The following TSPEAR variants were observed in gnomAD, a reference collection of about 807,000 sequenced individuals.
The protein encoded by TSPEAR is thrombospondin-type laminin G domain and EAR repeat-containing protein.
In TSPEAR, 69 loss-of-function variants were observed where a neutral mutation model predicts 71.6. That is an observed-to-expected ratio of 0.96 (90% CI 0.79 to 1.18). TSPEAR has a LOEUF of 1.18. Ranked by LOEUF, TSPEAR falls within the 50% of genes most tolerant of loss-of-function variation. The pLI, the probability that TSPEAR is intolerant of heterozygous loss-of-function variation, is 0.00. For synonymous variants in TSPEAR, 402 were observed against 387.2 expected, an observed-to-expected ratio of 1.04 and a Z score of -0.45; for missense variants, 971 against 894.9, an observed-to-expected ratio of 1.09 and a Z score of -1.09.
Position 44,671,139 on chromosome 21 carries a change from C to T in TSPEAR, c.82+40294G>A, listed in dbSNP as rs1986037382. 2.0e-5 allele frequency among the ~76,000 whole-genome samples: 3 copies of T among 152,238 alleles called. 1 individual carries two copies. The South Asian group carries it at 6.2e-4, about 32-fold the overall frequency. ...CTCCTCCCAGGGACCTGAGGATGTGCCCACCCAGCATGCCACTACCACCAG... is the reference window on the plus strand; with the variant it reads ...CTCCTCCCAGGGACCTGAGGATGTGTCCACCCAGCATGCCACTACCACCAG... On this transcript the variant is annotated intron_variant, in intron 1 of 11. Transcript: ENST00000323084.
At chr21:44,666,868 A>G in intron 1 of TSPEAR, 1 of 1,613,634 alleles carries the variant, frequency 6.2e-7, no homozygotes. Context: ...CAGCCCGAGG[A>G]GCAGCTGGTA....
chr21:44,686,644 GGAT>G (rs1414305236), intron 1 of TSPEAR: 1 of 152,498 alleles, frequency 6.6e-6, no homozygotes, highest in Admixed American at 6.5e-5. Flanking sequence ...TGCTGCTGAT[GGAT>G]TATCCTGATA....
chr21:44,606,492 TG>T (rs1278292434), intron 1 of TSPEAR, among the ~76,000 whole-genome samples: 8 of 152,202 alleles, frequency 5.3e-5, no homozygotes, highest in African/African-American at 1.9e-4. Flanking sequence ...AAATAGAACT[TG>T]CCTATGATCC....
rs782799824 is a variant in TSPEAR at position 44,521,958 on chromosome 21, G to A, written c.1491C>T (p.Asn497=). The part of the protein sequence containing the change: ...YSFLVVANTF[N]GTSTKVHSHL... Reference sequence around the variant, plus strand: ...GCGAGTGCACCTTGGTGGAGGTGCCGTTGAAGGTGTTGGCCACCACCAGGA... The same window carrying A: ...GCGAGTGCACCTTGGTGGAGGTGCCATTGAAGGTGTTGGCCACCACCAGGA... The change falls in exon 9 of 12, where the codon AAC becomes AAT. Residue 497 remains asparagine (N), a synonymous_variant. Coordinates refer to ENST00000323084, the MANE Select transcript of TSPEAR (RefSeq NM_144991.3). The A allele has an allele frequency of 1.9e-5, 30 of 1,614,012 alleles. No individual in the cohort carries two copies. The highest frequency in any genetic ancestry group is 1.6e-4 in the Middle Eastern group (1 of 6,084).
chr21:44,569,245 C>G (rs12627518), intron 1 of TSPEAR, among the ~76,000 whole-genome samples: 1 of 152,094 alleles, frequency 6.6e-6, no homozygotes, highest in Non-Finnish European at 1.5e-5. Flanking sequence ...TCCGCACACG[C>G]GCACACAGGG....
intron 1 of TSPEAR, among the ~76,000 whole-genome samples, chr21:44,589,951 C>T (rs233292): frequency 0.013 from 1,980 of 152,342 alleles, 18 homozygotes; most frequent in Non-Finnish European, 0.022. Flanking sequence ...ACATCTCTGC[C>T]CCTGGAGGCT....
At chr21:44,522,774 A>G (rs2052761455) in intron 8 of TSPEAR, among the ~76,000 whole-genome samples, 1 of 152,238 alleles carries the variant, frequency 6.6e-6, no homozygotes, top group African/African-American at 2.4e-5. Context: ...CTCAGGAAAC[A>G]AGGCCATGGA....
chr21:44,510,683 G>C (rs781844577), intron 9 of TSPEAR: 1 of 152,310 alleles, frequency 6.6e-6, no homozygotes, highest in Non-Finnish European at 1.5e-5. Context: ...GCCGTTGCCC[G>C]CCCGAGCCCG....
chr21:44,525,173 G>C (rs902267109), intron 8 of TSPEAR, among the ~76,000 whole-genome samples: 13 of 151,986 alleles, frequency 8.6e-5, no homozygotes, highest in African/African-American at 3.1e-4. Flanking sequence ...CAGTCAGTCA[G>C]TGAAGTAGTC....
intron 1 of TSPEAR, among the ~76,000 whole-genome samples, chr21:44,668,102 C>A (rs1244202690): frequency 6.6e-6 from 1 of 152,088 alleles, no homozygotes; most frequent in African/African-American, 2.4e-5. Flanking sequence ...AATTGAAAAG[C>A]AAGAAGTAAA....
chr21:44,658,407 GA>G, intron 1 of TSPEAR: 11 of 840,918 alleles, frequency 1.3e-5, no homozygotes, highest in Non-Finnish European at 1.3e-5. Flanking sequence ...TGAGAACGTG[GA>G]AAAATGATTC....
intron 5 of TSPEAR, 47 bp from the exon 6 acceptor site, chr21:44,528,630 C>G (rs781939154): frequency 6.2e-6 from 10 of 1,604,548 alleles, no homozygotes; most frequent in East Asian, 2.2e-5. Flanking sequence ...CCAGTGCCCC[C>G]AAAGGAAGAC....
At chr21:44,549,914 T>C (rs1555918279) in intron 2 of TSPEAR, among the ~76,000 whole-genome samples, 3 of 152,176 alleles carry the variant, frequency 2.0e-5, no homozygotes, top group African/African-American at 7.2e-5. Context: ...CCTGAGCGTA[T>C]GTGAGTGTGC....
At chr21:44,540,792 C>CGAGA (rs1235266491) in intron 2 of TSPEAR, among the ~76,000 whole-genome samples, 2 of 152,182 alleles carry the variant, frequency 1.3e-5, no homozygotes, top group Admixed American at 1.3e-4. Flanking sequence ...CATGCCCCTC[C>CGAGA]CCACGGCCTT....
chr21:44,665,874 T>C (rs1464726305), intron 1 of TSPEAR, among the ~76,000 whole-genome samples: 4 of 152,170 alleles, frequency 2.6e-5, no homozygotes, highest in Admixed American at 6.5e-5. Context: ...GAAAACCCAA[T>C]TGTCAATGCT....
At chr21:44,587,783 T>A (rs587595219) in intron 1 of TSPEAR, among the ~76,000 whole-genome samples, 19 of 152,280 alleles carry the variant, frequency 1.2e-4, no homozygotes, top group African/African-American at 4.6e-4. Context: ...GAAAGGACAC[T>A]CTATTCAACA....
chr21:44,526,186 C>T lies in TSPEAR; in HGVS notation c.1150-347G>A, dbSNP rs116780658. 3.0e-3 allele frequency among the ~76,000 whole-genome samples: 463 copies of T among 152,310 alleles called. 4 individuals carry two copies. Among genetic ancestry groups the T allele is most frequent in the African/African-American group, 0.01 (431 of 41,572 alleles). On this transcript the variant is annotated intron_variant, in intron 7 of 11. Coordinates refer to ENST00000323084, the MANE Select transcript of TSPEAR (RefSeq NM_144991.3). ...CCCAGATGACCAGAAAAACGCATCA[C>T]AACCTGCTCTCCTGTGTTATGGGTG...
At chr21:44,680,031 A>T (rs929327928) in intron 1 of TSPEAR, among the ~76,000 whole-genome samples, 12 of 152,234 alleles carry the variant, frequency 7.9e-5, no homozygotes, top group African/African-American at 2.9e-4. Context: ...ACCAAAATAG[A>T]CAAATGAGAT....
At chr21:44,517,711 G>T in intron 9 of TSPEAR, 1 of 468,594 alleles carries the variant, frequency 2.1e-6, no homozygotes, top group Non-Finnish European at 4.4e-6. Flanking sequence ...AGTGGCCAGC[G>T]TCCTTGTCCT....
Sources: allele counts gnomAD v4.1 joint callset (sites outside exome capture counted in the v4.1 genomes callset), GRCh38; gene constraint gnomAD v4.1.1; transcripts MANE v1.5; gene names NCBI Gene and HGNC (gene_info 2026-07-23, HGNC 2026-07-21).